The following STPG2 variants were observed in gnomAD, a reference collection of about 807,000 sequenced individuals.
STPG2 encodes sperm tail PG-rich repeat containing 2, also known as sperm-tail PG-rich repeat-containing protein 2.
In STPG2, 56 loss-of-function variants were observed where a neutral mutation model predicts 54.2. The ratio of observed to expected loss-of-function variants is 1.03; its 90% confidence interval spans 0.83 to 1.29. STPG2 has a LOEUF of 1.29. Ranked by LOEUF, STPG2 falls within the 50% of genes most tolerant of loss-of-function variation. The pLI is 0.00. For synonymous variants in STPG2, 200 were observed against 181.8 expected, an observed-to-expected ratio of 1.10 and a Z score of -0.81; for missense variants, 596 against 544.9, an observed-to-expected ratio of 1.09 and a Z score of -0.93.
intron 5 of STPG2, among the ~76,000 whole-genome samples, chr4:98,022,472 T>C (rs1333919580): frequency 2.6e-5 from 4 of 152,134 alleles, no homozygotes; most frequent in Admixed American, 2.0e-4. Flanking sequence ...ATTTCAACTT[T>C]GGTGAATCTG....
intron 9 of STPG2, among the ~76,000 whole-genome samples, chr4:97,724,504 T>C (rs775162319): frequency 8.5e-5 from 13 of 152,216 alleles, no homozygotes; most frequent in Non-Finnish European, 1.6e-4. Flanking sequence ...ATTTCATTAC[T>C]CTTTTGAAAA....
intron 6 of STPG2, among the ~76,000 whole-genome samples, chr4:97,980,573 T>C (rs1734642251): frequency 6.6e-6 from 1 of 152,134 alleles, no homozygotes; most frequent in Non-Finnish European, 1.5e-5. Flanking sequence ...GCTAAGTACA[T>C]CCTTTGAATA....
intron 9 of STPG2, among the ~76,000 whole-genome samples, chr4:97,813,213 C>T (rs952251209): frequency 1.3e-5 from 2 of 151,080 alleles, no homozygotes; most frequent in Admixed American, 1.3e-4. Flanking sequence ...CTAGGTATAA[C>T]TGTGCAGGGT....
At chr4:97,971,141 A>C (rs1300781560) in intron 7 of STPG2, among the ~76,000 whole-genome samples, 1 of 152,260 alleles carries the variant, frequency 6.6e-6, no homozygotes, top group African/African-American at 2.4e-5. Context: ...ATCATTAAAA[A>C]GTCAGAAAAC....
chr4:98,057,676 C>T (rs1401349404), intron 5 of STPG2, among the ~76,000 whole-genome samples: 3 of 152,032 alleles, frequency 2.0e-5, no homozygotes, highest in African/African-American at 7.2e-5. Flanking sequence ...GCTAGAGAGG[C>T]CAATATTCAA....
intron 9 of STPG2, among the ~76,000 whole-genome samples, chr4:97,772,431 G>C (rs571146560): frequency 1.3e-5 from 2 of 152,130 alleles, no homozygotes; most frequent in Non-Finnish European, 2.9e-5. Flanking sequence ...TGAATATACT[G>C]ACAGTCAATA....
chr4:97,770,882 C>A (rs907785567), intron 9 of STPG2, among the ~76,000 whole-genome samples: 2 of 152,070 alleles, frequency 1.3e-5, no homozygotes, highest in Non-Finnish European at 2.9e-5. Flanking sequence ...TTTTTAGAAG[C>A]TCTTTTTTCT....
At chr4:97,855,089 T>G (rs979943071) in intron 8 of STPG2, among the ~76,000 whole-genome samples, 1 of 152,216 alleles carries the variant, frequency 6.6e-6, no homozygotes, top group African/African-American at 2.4e-5. Flanking sequence ...ATCTTATTCC[T>G]TTTTATGGCT....
intron 9 of STPG2, among the ~76,000 whole-genome samples, chr4:97,732,783 A>C (rs1724846495): frequency 6.6e-6 from 1 of 152,158 alleles, no homozygotes; most frequent in Non-Finnish European, 1.5e-5. Context: ...GAAGGACATG[A>C]ATAGACATTT....
intron 4 of STPG2, among the ~76,000 whole-genome samples, chr4:97,544,934 G>A (rs1237242075): frequency 5.3e-5 from 8 of 152,030 alleles, no homozygotes. Flanking sequence ...TTAAAATCTG[G>A]TACTACGAAT....
chr4:97,733,229 G>GTA (rs1454409127), intron 9 of STPG2, among the ~76,000 whole-genome samples: 4 of 152,126 alleles, frequency 2.6e-5, no homozygotes, highest in Non-Finnish European at 2.9e-5. Context: ...AAAACGTGGT[G>GTA]TATATACACC....
chr4:97,788,915 T>C (rs1038804483), intron 9 of STPG2, among the ~76,000 whole-genome samples: 1 of 152,088 alleles, frequency 6.6e-6, no homozygotes, highest in African/African-American at 2.4e-5. Context: ...TGAACGTAAA[T>C]AAAGAATTAA....
At chr4:97,784,165 G>T (rs946928213) in intron 9 of STPG2, among the ~76,000 whole-genome samples, 3 of 149,168 alleles carry the variant, frequency 2.0e-5, no homozygotes, top group African/African-American at 7.4e-5. Context: ...CAACAAAAAA[G>T]AATCTATCAA....
rs200766729 is a variant in STPG2, at chr4:97,538,892, ATT to A, written c.462+173805_462+173806del. Among the ~76,000 whole-genome samples, 1,386 of 152,332 alleles carry A rather than the reference ATT, an allele frequency of 9.1e-3. 19 individuals are homozygous for A. The highest frequency in any genetic ancestry group is 0.031 in the African/African-American group (1,287 of 41,576). On this transcript the variant is annotated intron_variant, in intron 4 of 4. Coordinates refer to the STPG2 transcript ENST00000522676. ...AAGAGAGTGGGGGCCAATATTCAAC[ATT>A]CTTAAAGAAAAGAATTTTCAACCCA...
At chr4:98,006,798 C>A (rs188265274) in intron 5 of STPG2, among the ~76,000 whole-genome samples, 17 of 152,330 alleles carry the variant, frequency 1.1e-4, no homozygotes, top group Admixed American at 1.3e-4. Flanking sequence ...AACTCACTCC[C>A]TTGGTCAGGA....
chr4:97,738,754 A>G (rs369274035), intron 9 of STPG2, among the ~76,000 whole-genome samples: 5 of 152,056 alleles, frequency 3.3e-5, no homozygotes, highest in African/African-American at 1.2e-4. Flanking sequence ...CTCCCACACA[A>G]TAATAATGGG....
intron 10 of STPG2, among the ~76,000 whole-genome samples, chr4:97,561,655 A>C (rs562400160): frequency 6.7e-6 from 1 of 149,374 alleles, no homozygotes; most frequent in Admixed American, 6.6e-5. Flanking sequence ...CAGTTTCAGC[A>C]TATGGCTAGC....
At chr4:97,694,507 T>G (rs74689620) in intron 10 of STPG2, among the ~76,000 whole-genome samples, 162 of 151,966 alleles carry the variant, frequency 1.1e-3, no homozygotes, top group African/African-American at 3.8e-3. Context: ...GATTAAATGG[T>G]ACTTGAAAAG....
At chr4:97,763,819 T>G (rs984524330) in intron 9 of STPG2, among the ~76,000 whole-genome samples, 1 of 152,178 alleles carries the variant, frequency 6.6e-6, no homozygotes, top group Non-Finnish European at 1.5e-5. Flanking sequence ...ATATTTCTAT[T>G]GATTTTTCTT....
Sources: allele counts gnomAD v4.1 joint callset (sites outside exome capture counted in the v4.1 genomes callset), GRCh38; gene constraint gnomAD v4.1.1; transcripts MANE v1.5; gene names NCBI Gene and HGNC (gene_info 2026-07-23, HGNC 2026-07-21).